SCYL3: variants seen among roughly 807,000 people sequenced by gnomAD.
SCYL3 encodes the protein protein-associating with the carboxyl-terminal domain of ezrin.
SCYL3 carries 35 observed loss-of-function variants against 73.8 expected under a neutral mutation model. The ratio of observed to expected loss-of-function variants is 0.47; its 90% CI spans 0.36 to 0.63. The LOEUF (loss-of-function observed/expected upper bound fraction) is 0.63, where lower values mean the gene tolerates loss of function less well. SCYL3 is among the 20% of genes least tolerant of loss of function. The probability of loss-of-function intolerance (pLI) is 0.00; values close to 1 mark genes in which losing one functional copy is unlikely to be tolerated. For synonymous variants in SCYL3, 277 were observed against 295.2 expected, an observed-to-expected ratio of 0.94 and a Z score of 0.63; for missense variants, 712 against 798.9, an observed-to-expected ratio of 0.89 and a Z score of 1.31.
At position 169,853,769 on chromosome 1, in the gene SCYL3, C is replaced by G; in HGVS notation, c.2011G>C (p.Glu671Gln). Residue 671 changes from glutamate (E) to glutamine (Q), a missense_variant, in exon 13 of 13, where the codon GAG becomes CAG. By Grantham distance (29) the Glu-to-Gln change is conservative. Around this residue, in one of 2 missense-constraint regions of SCYL3, gnomAD observed 370 missense variants for 350.8 expected, o/e 1.05. Transcript: ENST00000367771. ...KFAAAEITEG[E>Q]AEGWEEEGEL... ...CCTTCTTCTTCCCAGCCTTCAGCCTCTCCCTGCAACAAAATAAAGCACACC... is the reference window on the plus strand; with the variant it reads ...CCTTCTTCTTCCCAGCCTTCAGCCTGTCCCTGCAACAAAATAAAGCACACC... 6.2e-7 allele frequency: 1 copy of G among 1,613,908 alleles called. No homozygotes were observed. Among genetic ancestry groups the G allele is most frequent in the South Asian group, 1.1e-5 (1 of 91,062 alleles).
chr1:169,876,635 A>G (rs1036238492), intron 3 of SCYL3, among the ~76,000 whole-genome samples: 1 of 152,136 alleles, frequency 6.6e-6, no homozygotes, highest in East Asian at 1.9e-4. Context: ...AGAAGAGGAA[A>G]ATGGAATGAT....
In SCYL3 at chr1:169,853,565, T is replaced by C; in HGVS notation, c.*148A>G. The C allele has an allele frequency of 1.3e-6, 1 of 778,114 alleles. No homozygotes were observed. The highest frequency in any genetic ancestry group is 2.1e-6 in the Non-Finnish European group (1 of 477,550). 48.2% of individuals were successfully genotyped at this position (778,114 alleles called of 1,614,324 possible). On this transcript the variant is annotated 3_prime_UTR_variant, in exon 13 of 13. Transcript: ENST00000367771. ...CCAGCACTCACAGTCAGTCTCCTAC[T>C]TCAGTTGGCACAGACTGGATAATGA... is the stretch of plus-strand genomic sequence containing the variant.
In SCYL3 at chr1:169,853,092, A is replaced by ATT; in HGVS notation, c.*620_*621insAA. ...AAACAAATTTTGTAAAGTTGAATCTAGTGAAAATAATCTTTATTTGACATT... is the reference window on the plus strand; with the variant it reads ...AAACAAATTTTGTAAAGTTGAATCTATTGTGAAAATAATCTTTATTTGACATT... On this transcript the variant is annotated 3_prime_UTR_variant, in exon 13 of 13. Transcript: ENST00000367771. The ATT allele has an allele frequency of 9.7e-7, 1 of 1,035,826 alleles. No individual in the cohort carries two copies. Among genetic ancestry groups the ATT allele is most frequent in the Non-Finnish European group, 1.4e-6 (1 of 698,764 alleles). 64.2% of individuals were successfully genotyped at this position (1,035,826 alleles called of 1,614,324 possible).
intron 2 of SCYL3, among the ~76,000 whole-genome samples, chr1:169,887,755 C>A (rs1477419847): frequency 6.6e-6 from 1 of 152,162 alleles, no homozygotes; most frequent in African/African-American, 2.4e-5. Context: ...CATCTTATAA[C>A]AATTTCATGC....
chr1:169,874,296 C>A (rs2102179920), intron 4 of SCYL3, among the ~76,000 whole-genome samples: 1 of 152,286 alleles, frequency 6.6e-6, no homozygotes, highest in Admixed American at 6.5e-5. Flanking sequence ...TCATTTAGGA[C>A]ACTAGGAATA....
intron 10 of SCYL3, 95 bp downstream of exon 10, chr1:169,862,518 T>C: frequency 7.4e-7 from 1 of 1,347,136 alleles, no homozygotes. Flanking sequence ...GCCTGAAGGC[T>C]TTCTAAGCTA....
At chr1:169,862,849 G>A (rs1659762885) in intron 9 of SCYL3, 52 bp from the exon 10 acceptor site, 3 of 1,569,316 alleles carry the variant, frequency 1.9e-6, no homozygotes, top group Non-Finnish European at 2.6e-6. Context: ...TCATTTCAGT[G>A]AAAAGTATTA....
chr1:169,870,749 TTTA>T (rs1319491217), intron 5 of SCYL3, among the ~76,000 whole-genome samples: 1 of 151,486 alleles, frequency 6.6e-6, no homozygotes, highest in South Asian at 2.1e-4. Flanking sequence ...GACATGTTCT[TTTA>T]TTCTTTTTTT....
chr1:169,866,781 T>C, intron 8 of SCYL3, 115 bp downstream of exon 8: 1 of 671,488 alleles, frequency 1.5e-6, no homozygotes, highest in East Asian at 2.9e-5. Context: ...ATAGGAAATG[T>C]TCAATAAATG....
chr1:169,862,045 G>T lies in SCYL3; in HGVS notation c.1140+568C>A, dbSNP rs12239881. Among the ~76,000 whole-genome samples the T allele has an allele frequency of 9.6e-3, 1,470 of 152,350 alleles. 30 individuals are homozygous for T. The highest frequency in any genetic ancestry group is 0.034 in the African/African-American group (1,405 of 41,578). On this transcript the variant is annotated intron_variant, in intron 10 of 12. Coordinates refer to ENST00000367771, the MANE Select transcript of SCYL3 (RefSeq NM_020423.7). Reference sequence around the variant, plus strand: ...TCCCTTTCACATCCTACAGCCTTCAGAGGAAGCAGGGTCCTGTTGACACCC... The same window carrying T: ...TCCCTTTCACATCCTACAGCCTTCATAGGAAGCAGGGTCCTGTTGACACCC...
At chr1:169,858,284 CT>C (rs985230755) in intron 11 of SCYL3, among the ~76,000 whole-genome samples, 1 of 151,984 alleles carries the variant, frequency 6.6e-6, no homozygotes, top group African/African-American at 2.4e-5. Context: ...TACTTTGAAA[CT>C]TTTTTGTTAA....
rs73024298 is a variant in SCYL3 at position 169,874,598 on chromosome 1, A to G, written c.466-846T>C. ...ATATGTGGGAACACAGCTGAACTGC[A>G]TGGAACAAGATGTAACCAGACTATA... On this transcript the variant is annotated intron_variant, in intron 4 of 12. Coordinates refer to ENST00000367771, the MANE Select transcript of SCYL3 (RefSeq NM_020423.7). Among the ~76,000 whole-genome samples, 1,501 of 152,296 alleles carry G rather than the reference A, an allele frequency of 9.9e-3. 26 individuals carry two copies. The highest frequency in any genetic ancestry group is 0.034 in the African/African-American group (1,425 of 41,548).
Position 169,888,350 on chromosome 1 carries a change from G to A in SCYL3, c.165+326C>T, listed in dbSNP as rs144159823. Among the ~76,000 whole-genome samples, 490 of 152,276 alleles carry A rather than the reference G, an allele frequency of 3.2e-3. 2 individuals are homozygous for A. Among genetic ancestry groups the A allele is most frequent in the Middle Eastern group, 0.021 (6 of 292 alleles). ...AATACTTAACTGCATTTTGCTAGAC[G>A]AGATTAACTCCTTATATAGCTCCTT... On this transcript the variant is annotated intron_variant, in intron 2 of 12. Coordinates refer to ENST00000367771, the MANE Select transcript of SCYL3 (RefSeq NM_020423.7).
rs779179156 is a variant in SCYL3, at chr1:169,851,958, G to C, written c.*1755C>G. The C allele has an allele frequency of 6.2e-7, 1 of 1,613,670 alleles. No individual in the cohort carries two copies. Among genetic ancestry groups the C allele is most frequent in the Non-Finnish European group, 8.5e-7 (1 of 1,179,862 alleles). The stretch of plus-strand genomic sequence containing the variant: ...ACAGGTATGGGCTGATTTCAATAGG[G>C]GCCAAACTTTAACAAGGCAAATTCT... On this transcript the variant is annotated 3_prime_UTR_variant, in exon 13 of 13. Transcript: ENST00000367771.
chr1:169,854,654 G>T lies in SCYL3; in HGVS notation c.1623C>A (p.Thr541=), dbSNP rs140613939. ...GGGITATKPV[T]SGEQKPIPAL... ...CAGGAATAGGCTTCTGCTCCCCTGA[G>T]GTAACAGGTTTTGTAGCAGTGATTC... The change falls in exon 12 of 13, where the codon ACC becomes ACA. Residue 541 remains threonine (T), a synonymous_variant. Coordinates refer to ENST00000367771, the MANE Select transcript of SCYL3 (RefSeq NM_020423.7). The T allele has an allele frequency of 6.2e-7, 1 of 1,613,938 alleles. No individual in the cohort carries two copies. Among genetic ancestry groups the T allele is most frequent in the Non-Finnish European group, 8.5e-7 (1 of 1,179,984 alleles).
intron 11 of SCYL3, among the ~76,000 whole-genome samples, chr1:169,857,882 G>T (rs191256501): frequency 6.6e-6 from 1 of 152,098 alleles, no homozygotes; most frequent in African/African-American, 2.4e-5. Context: ...GAATACTGTA[G>T]ATAATTATAA....
chr1:169,851,314 T>C lies in SCYL3; in HGVS notation c.*2399A>G, dbSNP rs1218708982. ...ATATTTTACATATATTACATATATATTTTTTTAGGTGAAATGGGCCCACTT... is the reference window on the plus strand; with the variant it reads ...ATATTTTACATATATTACATATATACTTTTTTAGGTGAAATGGGCCCACTT... On this transcript the variant is annotated 3_prime_UTR_variant, in exon 13 of 13. Transcript: ENST00000367771. The C allele has an allele frequency of 2.0e-5, 3 of 152,360 alleles. No homozygotes were observed. The highest frequency in any genetic ancestry group is 4.4e-5 in the Non-Finnish European group (3 of 68,130). 9.4% of individuals were successfully genotyped at this position (152,360 alleles called of 1,614,324 possible). A position where few individuals can be genotyped will look rare whatever the true frequency, so the allele number is the denominator to read the frequency against.
At position 169,854,780 on chromosome 1, in the gene SCYL3, A is replaced by G; in HGVS notation, c.1497T>C (p.Cys499=). The G allele has an allele frequency of 6.2e-7, 1 of 1,613,990 alleles. No homozygotes were observed. The highest frequency in any genetic ancestry group is 8.5e-7 in the Non-Finnish European group (1 of 1,179,940). Residue 499 remains cysteine, a synonymous_variant, in exon 12 of 13, where the codon TGT becomes TGC. Transcript: ENST00000367771. The part of the protein sequence containing the change: ...VNIQIWPREP[C]DDVKSQCTTL... ...TAGTGCACTGGGACTTGACATCATC[A>G]CAAGGTTCTCTAGGCCAAATCTGTA...
intron 9 of SCYL3, among the ~76,000 whole-genome samples, chr1:169,863,048 G>C (rs1236413950): frequency 6.6e-6 from 1 of 151,990 alleles, no homozygotes. Context: ...GAGTAGCTGG[G>C]ATTACAGGCA....
Sources: gnomAD v4.1 joint callset for allele counts (sites outside exome capture counted in the v4.1 genomes callset) on GRCh38, gnomAD v4.1.1 for gene constraint, gnomAD v4.1.1 regional missense constraint, MANE v1.5 for transcripts, NCBI Gene and HGNC (gene_info 2026-07-23, HGNC 2026-07-21) for gene names.